The following GRIK1 variants were observed in gnomAD, a reference collection of about 807,000 sequenced individuals.
GRIK1 encodes the protein glutamate receptor ionotropic, kainate 1.
In GRIK1, 69 loss-of-function variants were observed where a neutral mutation model predicts 105.7. The observed-to-expected ratio is 0.65, with a 90% confidence interval of 0.54 to 0.80. The LOEUF is 0.80. Among genes scored for constraint, GRIK1 ranks in the 30% least tolerant of loss-of-function variants. The pLI is 0.00. For synonymous variants in GRIK1, 438 were observed against 431.3 expected, an observed-to-expected ratio of 1.02 and a Z score of -0.19; for missense variants, 1,109 against 1,167.3, an observed-to-expected ratio of 0.95 and a Z score of 0.73.
intron 1 of GRIK1, among the ~76,000 whole-genome samples, chr21:29,848,779 A>ATATATATATATATATATTT: frequency 2.1e-4 from 16 of 77,860 alleles, no homozygotes; most frequent in African/African-American, 9.3e-4. Context: ...ATATATATAT[A>ATATATATATATATATATTT]TTTTTTTTTT....
At chr21:29,920,734 G>T (rs1198707579) in intron 1 of GRIK1, among the ~76,000 whole-genome samples, 1 of 152,006 alleles carries the variant, frequency 6.6e-6, no homozygotes, top group African/African-American at 2.4e-5. Flanking sequence ...TGAGTGAAGT[G>T]CATTTGCATA....
chr21:29,693,901 C>T lies in GRIK1; in HGVS notation c.281G>A (p.Arg94Gln), dbSNP rs375169701. The change falls in exon 2 of 18, where the codon CGG becomes CAG. Residue 94 changes from arginine to glutamine, a missense_variant. Arg to Gln is a conservative substitution (Grantham distance 43). Around this residue, in one of 5 missense-constraint regions of GRIK1, gnomAD observed 612 missense variants for 586.0 expected, o/e 1.04. Coordinates refer to ENST00000327783, the MANE Select transcript of GRIK1 (RefSeq NM_001330994.2). ...AAAAGTGGGAAAATAGTTACCTCTC[C>T]GCGAGGCTTCAAAACTATCAAAAAG... is the stretch of plus-strand genomic sequence containing the variant. ...INLFDSFEAS[R>Q]RACDQLALGV... The T allele has an allele frequency of 1.9e-5, 30 of 1,610,780 alleles. 1 individual carries two copies. The highest frequency in any genetic ancestry group is 3.3e-5 in the South Asian group (3 of 90,834).
At chr21:29,854,872 G>C (rs573478707) in intron 1 of GRIK1, among the ~76,000 whole-genome samples, 25 of 152,132 alleles carry the variant, frequency 1.6e-4, no homozygotes, top group Middle Eastern at 3.4e-3. Flanking sequence ...AAACTAGCTG[G>C]CTGAACTGAT....
chr21:29,900,459 C>CAAAAAAAAAAAAAAAAAAAAAAAAAAAAA (rs746842761), intron 1 of GRIK1, among the ~76,000 whole-genome samples: 6 of 78,322 alleles, frequency 7.7e-5, no homozygotes, highest in Admixed American at 1.4e-4. Context: ...AAATGGAAAG[C>CAAAAAAAAAAAAAAAAAAAAAAAAAAAAA]AAGAAAAAAA....
intron 1 of GRIK1, among the ~76,000 whole-genome samples, chr21:29,832,533 C>G (rs1346346122): frequency 1.3e-5 from 2 of 152,264 alleles, no homozygotes; most frequent in East Asian, 3.9e-4. Context: ...CAGCCACAGG[C>G]TTAACAGCAC....
At chr21:29,807,404 G>C (rs2066894565) in intron 1 of GRIK1, among the ~76,000 whole-genome samples, 1 of 152,084 alleles carries the variant, frequency 6.6e-6, no homozygotes, top group African/African-American at 2.4e-5. Context: ...AACCAGGAAG[G>C]CAAGTGAGGA....
intron 1 of GRIK1, among the ~76,000 whole-genome samples, chr21:29,928,770 G>A (rs563112023): frequency 4.0e-4 from 61 of 152,320 alleles, no homozygotes; most frequent in African/African-American, 1.4e-3. Context: ...CAGTGCATTA[G>A]AGGCTGATAC....
chr21:29,784,224 A>C (rs1601687998), intron 1 of GRIK1, among the ~76,000 whole-genome samples: 1 of 152,220 alleles, frequency 6.6e-6, no homozygotes, highest in Admixed American at 6.5e-5. Context: ...TGGATGTTTA[A>C]GTTTTCCTAA....
intron 4 of GRIK1, among the ~76,000 whole-genome samples, chr21:29,667,684 C>A (rs983370210): frequency 1.3e-5 from 2 of 152,162 alleles, no homozygotes; most frequent in Non-Finnish European, 2.9e-5. Flanking sequence ...TCATGCTCAC[C>A]TGCTGGCCAT....
intron 1 of GRIK1, among the ~76,000 whole-genome samples, chr21:29,860,495 C>A (rs1466849555): frequency 6.6e-6 from 1 of 152,202 alleles, no homozygotes. Flanking sequence ...ACCTGAGCTC[C>A]CTTCCTGAAT....
At chr21:29,652,709 A>G (rs1205514826) in intron 5 of GRIK1, among the ~76,000 whole-genome samples, 1 of 152,188 alleles carries the variant, frequency 6.6e-6, no homozygotes, top group Non-Finnish European at 1.5e-5. Flanking sequence ...TTCAGAAGAA[A>G]CTCAACTTTC....
intron 1 of GRIK1, among the ~76,000 whole-genome samples, chr21:29,769,577 A>G (rs2065761578): frequency 6.6e-6 from 1 of 152,134 alleles, no homozygotes; most frequent in Admixed American, 6.5e-5. Context: ...AAGAGAATCT[A>G]ATGTCCCCGC....
intron 1 of GRIK1, among the ~76,000 whole-genome samples, chr21:29,706,497 T>C (rs74851313): frequency 0.018 from 2,800 of 152,310 alleles, 34 homozygotes; most frequent in Non-Finnish European, 0.028. Flanking sequence ...CCTTCCTAGA[T>C]TGCTCTCAGT....
At chr21:29,927,507 A>G (rs2071414032) in intron 1 of GRIK1, among the ~76,000 whole-genome samples, 1 of 150,126 alleles carries the variant, frequency 6.7e-6, no homozygotes, top group South Asian at 2.1e-4. Flanking sequence ...TATAATATAT[A>G]TATAAATTGA....
chr21:29,591,088 C>A (rs745485785), intron 10 of GRIK1, 24 bp downstream of exon 10: 2 of 1,269,482 alleles, frequency 1.6e-6, no homozygotes, highest in South Asian at 1.2e-5. Context: ...ATAAGACACC[C>A]TCAATTCCAT....
chr21:29,576,999 C>T lies in GRIK1; in HGVS notation c.2095G>A (p.Ala699Thr). 1 of 1,612,682 alleles carries T rather than the reference C, an allele frequency of 6.2e-7. No individual in the cohort carries two copies. The highest frequency in any genetic ancestry group is 8.5e-7 in the Non-Finnish European group (1 of 1,178,908). Residue 699 changes from alanine (A) to threonine (T), a missense_variant, in exon 14 of 18, where the codon GCG becomes ACG. This residue lies in a region of GRIK1 where 264 missense variants were observed against 306.9 expected (regional missense o/e 0.86). Coordinates refer to ENST00000327783, the MANE Select transcript of GRIK1 (RefSeq NM_001330994.2). ...GTCATTGTTGATCCATCTCTAACCG[C>T]CCCATATTCTATCTTGGTTTGCTTT... is the stretch of plus-strand genomic sequence containing the variant. ...LAKQTKIEYG[A>T]VRDGSTMTFF...
At chr21:29,711,493 A>G (rs1467745064) in intron 1 of GRIK1, among the ~76,000 whole-genome samples, 1 of 152,034 alleles carries the variant, frequency 6.6e-6, no homozygotes, top group Non-Finnish European at 1.5e-5. Flanking sequence ...ATCTAGTATG[A>G]GGAATCAGTA....
intron 1 of GRIK1, among the ~76,000 whole-genome samples, chr21:29,770,833 C>T (rs887360640): frequency 7.2e-5 from 11 of 152,142 alleles, no homozygotes; most frequent in Admixed American, 7.2e-4. Flanking sequence ...TATTCACTTG[C>T]CTAGGTCCTC....
chr21:29,851,346 C>A (rs920521201), intron 1 of GRIK1, among the ~76,000 whole-genome samples: 4 of 152,172 alleles, frequency 2.6e-5, no homozygotes, highest in African/African-American at 9.7e-5. Context: ...TGAGCCACAT[C>A]CCCCGGCCTA....
Sources: gnomAD v4.1 joint callset for allele counts (sites outside exome capture counted in the v4.1 genomes callset) on GRCh38, gnomAD v4.1.1 for gene constraint, gnomAD v4.1.1 regional missense constraint, MANE v1.5 for transcripts, NCBI Gene and HGNC (gene_info 2026-07-23, HGNC 2026-07-21) for gene names.